ANKS1B: variants seen among roughly 807,000 people sequenced by gnomAD.
The protein encoded by ANKS1B is ankyrin repeat and sterile alpha motif domain containing 1B, also known as ankyrin repeat and sterile alpha motif domain-containing protein 1B.
Under a neutral mutation model 148.3 loss-of-function variants are expected in ANKS1B, and 36 were observed. That is an observed-to-expected ratio of 0.24 (90% confidence interval 0.19 to 0.32). The LOEUF is 0.32. ANKS1B is among the 10% of genes least tolerant of loss of function. ANKS1B has a pLI of 1.00. For synonymous variants in ANKS1B, 542 were observed against 560.8 expected (o/e 0.97, Z 0.47); for missense variants, 1,157 against 1,542.6 (o/e 0.75, Z 4.19).
intron 10 of ANKS1B, among the ~76,000 whole-genome samples, chr12:99,477,062 G>A (rs2096336364): frequency 6.6e-6 from 1 of 152,158 alleles, no homozygotes; most frequent in African/African-American, 2.4e-5. Flanking sequence ...GAACCAGACA[G>A]CAGGAGAGAG....
At chr12:98,819,475 T>C (rs2099167066) in intron 19 of ANKS1B, among the ~76,000 whole-genome samples, 1 of 152,222 alleles carries the variant, frequency 6.6e-6, no homozygotes, top group Non-Finnish European at 1.5e-5. Flanking sequence ...AGCAGATGTA[T>C]TCTTTGTTGT....
chr12:98,968,879 T>C (rs768187370), intron 17 of ANKS1B, among the ~76,000 whole-genome samples: 2 of 152,186 alleles, frequency 1.3e-5, no homozygotes, highest in Admixed American at 1.3e-4. Context: ...TGCTTTACTT[T>C]TCCCTTTTAT....
At chr12:98,805,523 T>C (rs2099044545) in intron 20 of ANKS1B, among the ~76,000 whole-genome samples, 1 of 152,206 alleles carries the variant, frequency 6.6e-6, no homozygotes, top group Non-Finnish European at 1.5e-5. Flanking sequence ...AGGACTATAA[T>C]TGGGCCACAT....
intron 17 of ANKS1B, among the ~76,000 whole-genome samples, chr12:98,897,181 G>A (rs990883969): frequency 2.0e-5 from 3 of 152,064 alleles, no homozygotes; most frequent in Non-Finnish European, 4.4e-5. Flanking sequence ...CATGGTGGTC[G>A]TTACTGAAGC....
intron 17 of ANKS1B, among the ~76,000 whole-genome samples, chr12:98,938,570 C>T (rs559877172): frequency 6.6e-6 from 1 of 152,304 alleles, no homozygotes; most frequent in East Asian, 1.9e-4. Context: ...AGGCAGAGTG[C>T]TCTTCCTGAA....
At chr12:99,168,429 G>T (rs1697963163) in intron 14 of ANKS1B, among the ~76,000 whole-genome samples, 1 of 150,938 alleles carries the variant, frequency 6.6e-6, no homozygotes, top group African/African-American at 2.4e-5. Flanking sequence ...TGAGGCAGGA[G>T]AATCACTTGA....
At chr12:98,816,025 C>T (rs781456102) in intron 19 of ANKS1B, among the ~76,000 whole-genome samples, 7 of 152,076 alleles carry the variant, frequency 4.6e-5, no homozygotes, top group African/African-American at 7.2e-5. Flanking sequence ...GCTCTACCTC[C>T]CTACCCTCCT....
chr12:99,038,728 C>T (rs976991990), intron 17 of ANKS1B, among the ~76,000 whole-genome samples: 4 of 152,234 alleles, frequency 2.6e-5, no homozygotes, highest in Non-Finnish European at 5.9e-5. Flanking sequence ...GGTCCTCAAA[C>T]AGGCACGGTC....
intron 20 of ANKS1B, among the ~76,000 whole-genome samples, chr12:98,802,256 G>A (rs1228569551): frequency 1.3e-5 from 2 of 152,186 alleles, no homozygotes; most frequent in African/African-American, 4.8e-5. Flanking sequence ...TAGAGAACAA[G>A]TTCCACAGAA....
In ANKS1B at chr12:99,676,082, G is replaced by A. The variant is rs550872704; in HGVS notation, c.1129-20872C>T. ...TGCAGTTTTTTGTGATAGTGAGTGA[G>A]TTCTGATGGTTTCATAAGGGGTTTT... On this transcript the variant is annotated intron_variant, in intron 8 of 26. Coordinates refer to ENST00000683438, the MANE Select transcript of ANKS1B (RefSeq NM_001352186.2). 2.0e-5 allele frequency among the ~76,000 whole-genome samples: 3 copies of A among 152,272 alleles called. No individual in the cohort carries two copies. In the East Asian group the frequency reaches 5.8e-4, roughly 29 times the overall value.
intron 8 of ANKS1B, among the ~76,000 whole-genome samples, chr12:99,741,409 G>T (rs1292057564): frequency 1.3e-5 from 2 of 152,010 alleles, no homozygotes; most frequent in Admixed American, 6.6e-5. Flanking sequence ...ATACCCAAAG[G>T]ATTATAAATC....
intron 17 of ANKS1B, among the ~76,000 whole-genome samples, chr12:98,855,136 G>C (rs371037575): frequency 2.1e-5 from 3 of 142,834 alleles, no homozygotes; most frequent in African/African-American, 8.1e-5. Context: ...TCCGCAGTCC[G>C]ACCTGGGCGA....
intron 14 of ANKS1B, among the ~76,000 whole-genome samples, chr12:99,216,119 GC>G (rs2153928342): frequency 6.6e-6 from 1 of 152,298 alleles, no homozygotes; most frequent in East Asian, 1.9e-4. Flanking sequence ...CAGTTTCCCT[GC>G]ACATGCTCTC....
chr12:99,893,588 CA>C (rs2093234596), intron 1 of ANKS1B, among the ~76,000 whole-genome samples: 1 of 151,654 alleles, frequency 6.6e-6, no homozygotes, highest in Non-Finnish European at 1.5e-5. Flanking sequence ...GAAACTATGC[CA>C]AAAAAGAAAA....
At chr12:99,463,482 C>T (rs12316777) in intron 10 of ANKS1B, among the ~76,000 whole-genome samples, 5,750 of 152,200 alleles carry the variant, frequency 0.038, 382 homozygotes, top group African/African-American at 0.13. Context: ...CGAAGCAGGG[C>T]GAGGCATTGC....
chr12:99,079,345 G>T (rs929352502), intron 16 of ANKS1B, among the ~76,000 whole-genome samples: 2 of 152,102 alleles, frequency 1.3e-5, no homozygotes, highest in African/African-American at 4.8e-5. Flanking sequence ...AGAGAAGGGG[G>T]TAATTTAATC....
At chr12:99,642,098 T>C (rs572985593) in intron 9 of ANKS1B, among the ~76,000 whole-genome samples, 5 of 152,176 alleles carry the variant, frequency 3.3e-5, no homozygotes, top group Non-Finnish European at 5.9e-5. Flanking sequence ...ATCATCATCA[T>C]AAGGCTTTCC....
intron 8 of ANKS1B, among the ~76,000 whole-genome samples, chr12:99,658,763 CATA>C: frequency 6.6e-6 from 1 of 152,124 alleles, no homozygotes; most frequent in African/African-American, 2.4e-5. Context: ...GAGACTGGCA[CATA>C]AAAAATCAAT....
At chr12:99,577,568 A>G (rs926297628) in intron 9 of ANKS1B, among the ~76,000 whole-genome samples, 5 of 151,882 alleles carry the variant, frequency 3.3e-5, no homozygotes, top group African/African-American at 1.2e-4. Flanking sequence ...CCACATAAAT[A>G]CAAAAAAACC....
Sources: allele counts gnomAD v4.1 joint callset (sites outside exome capture counted in the v4.1 genomes callset), GRCh38; gene constraint gnomAD v4.1.1; transcripts MANE v1.5; gene names NCBI Gene and HGNC (gene_info 2026-07-23, HGNC 2026-07-21).